ATP7B: variants seen among roughly 807,000 people sequenced by gnomAD.
ATP7B encodes copper-transporting ATPase 2.
ATP7B carries 113 observed loss-of-function variants against 118.9 expected under a neutral mutation model. The ratio of observed to expected loss-of-function variants is 0.95; its 90% CI spans 0.82 to 1.11. The LOEUF is 1.11. Among genes scored for constraint, ATP7B ranks in the 50% most tolerant of loss-of-function variants. The pLI is 0.00. For missense variants in ATP7B, 1,867 were observed against 1,871.4 expected (o/e 1.00, Z 0.04); for synonymous variants, 777 against 727.4 (o/e 1.07, Z -1.10).
intron 14 of ATP7B, 97 bp downstream of exon 14, chr13:51,944,012 C>T (rs746284583): frequency 3.3e-6 from 5 of 1,517,226 alleles, no homozygotes; most frequent in African/African-American, 1.4e-5. Context: ...CCAGACCACA[C>T]AGAGAAGGCT....
At chr13:51,936,249 C>T (rs940963669) in intron 19 of ATP7B, among the ~76,000 whole-genome samples, 6 of 152,174 alleles carry the variant, frequency 3.9e-5, no homozygotes, top group African/African-American at 9.7e-5. Flanking sequence ...GCTCCTGAGC[C>T]GGCTCTGGGG....
At chr13:51,967,045 G>C in intron 4 of ATP7B, 1 of 1,609,454 alleles carries the variant, frequency 6.2e-7, no homozygotes, top group East Asian at 2.2e-5. Flanking sequence ...GGAGTGGGAT[G>C]GGAAGGAAAG....
intron 17 of ATP7B, among the ~76,000 whole-genome samples, chr13:51,937,928 C>T (rs1023741232): frequency 2.0e-5 from 3 of 152,202 alleles, no homozygotes; most frequent in East Asian, 1.9e-4. Context: ...TCCCTGTCCA[C>T]GGCTCAGTCC....
At chr13:51,986,191 G>A (rs1234732737) in intron 1 of ATP7B, among the ~76,000 whole-genome samples, 1 of 152,120 alleles carries the variant, frequency 6.6e-6, no homozygotes, top group Non-Finnish European at 1.5e-5. Context: ...GAAGAAAAGA[G>A]AGAGGAATCA....
chr13:52,002,229 G>A (rs147419861), intron 1 of ATP7B, among the ~76,000 whole-genome samples: 1 of 151,896 alleles, frequency 6.6e-6, no homozygotes, highest in African/African-American at 2.4e-5. Flanking sequence ...ACTTACAAAT[G>A]TGCTTGCTGT....
rs752513181 is a variant in ATP7B, at chr13:51,970,650, T to C, written c.1385A>G (p.His462Arg). ...TPTSVQEVAP[H>R]TGRLPANHAP... ...ATGGTTTGCAGGGAGCCTCCCAGTG[T>C]GGGGAGCCACTTCCTGCACAGATGT... The change falls in exon 3 of 21, where the codon CAC (histidine) becomes CGC (arginine). Residue 462 changes from histidine to arginine, a missense_variant. His to Arg is a conservative substitution (Grantham distance 29, BLOSUM62 0). Coordinates refer to ENST00000242839, the MANE Select transcript of ATP7B (RefSeq NM_000053.4). The C allele has an allele frequency of 6.2e-7, 1 of 1,614,170 alleles. No homozygotes were observed. The highest frequency in any genetic ancestry group is 8.5e-7 in the Non-Finnish European group (1 of 1,180,016).
intron 2 of ATP7B, among the ~76,000 whole-genome samples, chr13:51,973,216 C>G (rs973113307): frequency 3.3e-5 from 5 of 152,092 alleles, no homozygotes; most frequent in Non-Finnish European, 7.4e-5. Flanking sequence ...GATAATAGTT[C>G]TCTTGGTAAG....
chr13:52,001,071 T>G (rs1289732688), intron 1 of ATP7B, among the ~76,000 whole-genome samples: 1 of 152,130 alleles, frequency 6.6e-6, no homozygotes, highest in East Asian at 1.9e-4. Context: ...AAGAATCATC[T>G]TCTTTCAAAC....
intron 1 of ATP7B, among the ~76,000 whole-genome samples, chr13:52,006,027 C>G (rs772044633): frequency 3.9e-5 from 6 of 152,216 alleles, no homozygotes; most frequent in Admixed American, 2.0e-4. Flanking sequence ...ACAGCATGAG[C>G]GATCTGTGCC....
At chr13:51,954,854 G>A (rs1176058187) in intron 9 of ATP7B, among the ~76,000 whole-genome samples, 2 of 152,180 alleles carry the variant, frequency 1.3e-5, no homozygotes. Flanking sequence ...GCTTCTCACG[G>A]CTGTTAACCA....
At chr13:51,971,846 C>T (rs548922495) in intron 2 of ATP7B, among the ~76,000 whole-genome samples, 2 of 152,364 alleles carry the variant, frequency 1.3e-5, no homozygotes, top group Admixed American at 1.3e-4. Flanking sequence ...TCAGTGACCA[C>T]AGGAAATGAT....
At chr13:51,962,593 G>T (rs1958821775) in intron 5 of ATP7B, among the ~76,000 whole-genome samples, 1 of 152,194 alleles carries the variant, frequency 6.6e-6, no homozygotes, top group African/African-American at 2.4e-5. Context: ...AAAATTAAAA[G>T]TTGGGGTGGG....
chr13:51,978,520 A>G (rs1364421069), intron 1 of ATP7B, among the ~76,000 whole-genome samples: 1 of 152,256 alleles, frequency 6.6e-6, no homozygotes, highest in African/African-American at 2.4e-5. Context: ...AATTTACCCA[A>G]TAAATATATT....
chr13:51,971,282 T>C (rs1338356973), intron 2 of ATP7B, among the ~76,000 whole-genome samples: 1 of 152,246 alleles, frequency 6.6e-6, no homozygotes, highest in Non-Finnish European at 1.5e-5. Context: ...TTACTATACA[T>C]ATGTCATGAA....
At chr13:51,976,612 CAT>C (rs1373401596) in intron 1 of ATP7B, among the ~76,000 whole-genome samples, 1 of 152,172 alleles carries the variant, frequency 6.6e-6, no homozygotes, top group East Asian at 1.9e-4. Flanking sequence ...GTGTGACCAT[CAT>C]AGAGTCACTT....
intron 1 of ATP7B, among the ~76,000 whole-genome samples, chr13:51,981,728 G>A (rs957693804): frequency 1.2e-4 from 18 of 152,116 alleles, no homozygotes; most frequent in African/African-American, 3.9e-4. Context: ...GGGGATAAAC[G>A]TAAATATCAG....
intron 1 of ATP7B, among the ~76,000 whole-genome samples, chr13:52,003,350 G>A (rs779113738): frequency 2.6e-5 from 4 of 152,136 alleles, no homozygotes; most frequent in Non-Finnish European, 4.4e-5. Context: ...ACCTGAGAGG[G>A]AGGGAGAGAC....
chr13:51,991,407 T>A (rs1464320740), intron 1 of ATP7B, among the ~76,000 whole-genome samples: 1 of 151,686 alleles, frequency 6.6e-6, no homozygotes, highest in Admixed American at 6.6e-5. Context: ...GATGGGAGGA[T>A]CCCTTGAGCT....
chr13:51,986,034 G>A (rs921877783), intron 1 of ATP7B, among the ~76,000 whole-genome samples: 36 of 152,082 alleles, frequency 2.4e-4, no homozygotes, highest in Non-Finnish European at 2.5e-4. Flanking sequence ...AAATTCAAAC[G>A]CTAGCAGAAG....
Sources: gnomAD v4.1 joint callset for allele counts (sites outside exome capture counted in the v4.1 genomes callset) on GRCh38, gnomAD v4.1.1 for gene constraint, MANE v1.5 for transcripts, NCBI Gene and HGNC (gene_info 2026-07-23, HGNC 2026-07-21) for gene names.